The following PLCG2 variants were observed in gnomAD, a reference collection of about 807,000 sequenced individuals.
PLCG2 encodes 1-phosphatidylinositol 4,5-bisphosphate phosphodiesterase gamma-2.
Under a neutral mutation model 175.6 loss-of-function variants are expected in PLCG2, and 69 were observed. The ratio of observed to expected loss-of-function variants is 0.39; its 90% CI spans 0.32 to 0.48. The LOEUF (loss-of-function observed/expected upper bound fraction) is 0.48. Among genes scored for constraint, PLCG2 ranks in the 20% least tolerant of loss-of-function variants. The probability of loss-of-function intolerance (pLI) is 0.91; values close to 1 mark genes in which losing one functional copy is unlikely to be tolerated. For missense variants in PLCG2, 1,798 were observed against 1,650.9 expected, an observed-to-expected ratio of 1.09 and a Z score of -1.54; for synonymous variants, 827 against 624.0, an observed-to-expected ratio of 1.33 and a Z score of -4.85.
chr16:81,947,842 G>C (rs1339681722), intron 31 of PLCG2, among the ~76,000 whole-genome samples: 1 of 152,192 alleles, frequency 6.6e-6, no homozygotes. Flanking sequence ...AGGTGGGGGA[G>C]TTGAAAAGAG....
intron 13 of PLCG2, among the ~76,000 whole-genome samples, chr16:81,898,950 T>G: frequency 6.6e-6 from 1 of 150,834 alleles, no homozygotes; most frequent in East Asian, 1.9e-4. Context: ...TTTCGGAGGC[T>G]GAGGCGGGTG....
chr16:81,851,799 C>T (rs1906427676), intron 2 of PLCG2, among the ~76,000 whole-genome samples: 1 of 151,372 alleles, frequency 6.6e-6, no homozygotes, highest in Non-Finnish European at 1.5e-5. Context: ...AGGCGTGGGC[C>T]ACCAGTGCCC....
rs1907695346 is a variant in PLCG2, at chr16:81,874,948, G to GTTTTTTTGTTTTTTTGTTCTT, written c.648+4020_648+4021insGTTTTTTTGTTCTTTTTTTTT. On this transcript the variant is annotated intron_variant, in intron 7 of 32. Coordinates refer to ENST00000564138, the MANE Select transcript of PLCG2 (RefSeq NM_002661.5). Reference sequence around the variant, plus strand: ...CTATTTGCTAGGCACTATCCTATGTGTTTTTTTTTTTTTTTTTTTTTTTTT... The same window carrying GTTTTTTTGTTTTTTTGTTCTT: ...CTATTTGCTAGGCACTATCCTATGTGTTTTTTTGTTTTTTTGTTCTTTTTTTTTTTTTTTTTTTTTTTTTTT... 2.7e-4 allele frequency among the ~76,000 whole-genome samples: 11 copies of GTTTTTTTGTTTTTTTGTTCTT among 40,770 alleles called. 1 individual carries two copies. Among genetic ancestry groups the GTTTTTTTGTTTTTTTGTTCTT allele is most frequent in the Admixed American group, 3.2e-4 (1 of 3,130 alleles). The allele number at this position is 40,770 out of a possible 152,430, so 26.7% of individuals were successfully genotyped here.
intron 2 of PLCG2, among the ~76,000 whole-genome samples, chr16:81,805,632 C>A (rs770672165): frequency 4.6e-5 from 7 of 152,062 alleles, no homozygotes; most frequent in African/African-American, 1.7e-4. Context: ...CCCCTTCCCC[C>A]ACCCCACTCA....
At chr16:81,806,226 T>C (rs1249518197) in intron 2 of PLCG2, among the ~76,000 whole-genome samples, 1 of 152,002 alleles carries the variant, frequency 6.6e-6, no homozygotes, top group Non-Finnish European at 1.5e-5. Context: ...AGCACAGATC[T>C]AGATTATACC....
chr16:81,746,533 G>T (rs1207215293), intron 1 of PLCG2, among the ~76,000 whole-genome samples: 2 of 152,218 alleles, frequency 1.3e-5, no homozygotes, highest in Non-Finnish European at 2.9e-5. Context: ...CCCAGCGCCG[G>T]GAGGGGATGA....
At chr16:81,921,154 A>G (rs180832304) in intron 20 of PLCG2, 44 bp from the exon 21 acceptor site, 9 of 1,216,676 alleles carry the variant, frequency 7.4e-6, no homozygotes, top group Non-Finnish European at 2.4e-6. Flanking sequence ...GGGCTATTCC[A>G]GGAGCATGGA....
intron 2 of PLCG2, among the ~76,000 whole-genome samples, chr16:81,841,293 G>T (rs555841491): frequency 1.3e-5 from 2 of 152,060 alleles, no homozygotes; most frequent in Admixed American, 1.3e-4. Context: ...CTGGAGTGCA[G>T]TGGCATGATC....
intron 5 of PLCG2, among the ~76,000 whole-genome samples, chr16:81,863,740 C>T (rs1434687935): frequency 6.6e-6 from 1 of 152,230 alleles, no homozygotes; most frequent in Non-Finnish European, 1.5e-5. Flanking sequence ...CCTTTCCCTC[C>T]TCTGCCCTTG....
chr16:81,755,724 C>T (rs1410897883), intron 1 of PLCG2: 2 of 152,008 alleles, frequency 1.3e-5, no homozygotes, highest in Non-Finnish European at 2.9e-5. Flanking sequence ...TGGGGTTTTA[C>T]CATGTTGGCC....
intron 23 of PLCG2, among the ~76,000 whole-genome samples, chr16:81,928,159 G>T (rs574681705): frequency 6.6e-6 from 1 of 152,138 alleles, no homozygotes; most frequent in African/African-American, 2.4e-5. Flanking sequence ...GAGCATGGGT[G>T]TTGCTTCCAC....
chr16:81,839,458 T>C (rs566306122), intron 2 of PLCG2, among the ~76,000 whole-genome samples: 3 of 152,186 alleles, frequency 2.0e-5, no homozygotes, highest in Non-Finnish European at 2.9e-5. Flanking sequence ...TATTAAAATA[T>C]TAATAGGCTG....
In PLCG2 at chr16:81,921,194, C is replaced by A. The variant is rs1216788478; in HGVS notation, c.2236-4C>A. The A allele has an allele frequency of 6.5e-7, 1 of 1,534,170 alleles. No individual in the cohort carries two copies. The highest frequency in any genetic ancestry group is 9.0e-7 in the Non-Finnish European group (1 of 1,112,418). On this transcript the variant is annotated splice_polypyrimidine_tract_variant and splice_region_variant and intron_variant, in intron 20 of 32. Coordinates refer to ENST00000564138, the MANE Select transcript of PLCG2 (RefSeq NM_002661.5). ...TCCATTTCTTTCTTTCTTTTTTTTT[C>A]CAGGAAAGAGATATAAACTCCCTCT...
chr16:81,922,019 C>T lies in PLCG2; in HGVS notation c.2307+750C>T, dbSNP rs114117465. Among the ~76,000 whole-genome samples the T allele has an allele frequency of 7.8e-3, 1,182 of 152,246 alleles. 9 individuals are homozygous for T. The highest frequency in any genetic ancestry group is 0.027 in the African/African-American group (1,122 of 41,540). ...TTGTTAGTAGTGAAGGATGTTTTGGCGATGAGAACAGTCACCTCTCTAACT... is the reference window on the plus strand; with the variant it reads ...TTGTTAGTAGTGAAGGATGTTTTGGTGATGAGAACAGTCACCTCTCTAACT... On this transcript the variant is annotated intron_variant, in intron 21 of 32. Coordinates refer to ENST00000564138, the MANE Select transcript of PLCG2 (RefSeq NM_002661.5).
At chr16:81,768,524 T>A (rs1379079468) in intron 2 of PLCG2, among the ~76,000 whole-genome samples, 1 of 148,430 alleles carries the variant, frequency 6.7e-6, no homozygotes, top group East Asian at 2.0e-4. Context: ...TGGATCCACA[T>A]CCTCACCAGC....
rs1179390984 is a variant in PLCG2 at position 81,883,331 on chromosome 16, A to G, written c.755A>G (p.His252Arg). The G allele has an allele frequency of 6.2e-7, 1 of 1,613,842 alleles. No individual in the cohort carries two copies. The highest frequency in any genetic ancestry group is 1.7e-5 in the Admixed American group (1 of 60,022). ...YLHDFQRFLIHEQQEHWAQDL... is the reference protein window; with the variant it reads ...YLHDFQRFLIREQQEHWAQDL... ...CATGACTTCCAGAGGTTTCTCATAC[A>G]TGAACAGCAGGTGAGAGCACAAGGT... The change falls in exon 9 of 33, where the codon CAT becomes CGT. Residue 252 changes from histidine (H) to arginine (R), a missense_variant. Transcript: ENST00000564138.
At chr16:81,767,042 C>G (rs371678229) in intron 2 of PLCG2, 24 of 151,974 alleles carry the variant, frequency 1.6e-4, no homozygotes, top group East Asian at 1.5e-3. Context: ...CACTCGTGCA[C>G]AGCTGAGTCT....
At chr16:81,798,865 G>C (rs985802792) in intron 2 of PLCG2, 2 of 152,366 alleles carry the variant, frequency 1.3e-5, no homozygotes, top group African/African-American at 2.4e-5. Context: ...CGTCTTCTCT[G>C]CTCCTGCTTC....
Position 81,935,964 on chromosome 16 carries a change from G to A in PLCG2, c.2843-205G>A, listed in dbSNP as rs1334402401. On this transcript the variant is annotated intron_variant, in intron 26 of 32. Transcript: ENST00000564138. ...AGCCTAAAAGGTGGTGGGAAAACTA[G>A]GCCCCTTTTTAATACTTGGAACCCC... 10 of 984,844 alleles carry A rather than the reference G, an allele frequency of 1.0e-5. No individual in the cohort carries two copies. The South Asian group carries it at 4.2e-4, about 42-fold the overall frequency. 61.0% of individuals were successfully genotyped at this position (984,844 alleles called of 1,614,324 possible). A position where few individuals can be genotyped will look rare whatever the true frequency, so the allele number is the denominator to read the frequency against.
Sources: allele counts gnomAD v4.1 joint callset (sites outside exome capture counted in the v4.1 genomes callset), GRCh38; gene constraint gnomAD v4.1.1; transcripts MANE v1.5; gene names NCBI Gene and HGNC (gene_info 2026-07-23, HGNC 2026-07-21).